MED26: variants seen among roughly 807,000 people sequenced by gnomAD.
The protein encoded by MED26 is mediator of RNA polymerase II transcription subunit 26.
Under a neutral mutation model 43.7 loss-of-function variants are expected in MED26, and 7 were observed. The ratio of observed to expected loss-of-function variants is 0.16; its 90% CI spans 0.09 to 0.30. The LOEUF (loss-of-function observed/expected upper bound fraction) is 0.30, where lower values mean the gene tolerates loss of function less well. MED26 is among the 10% of genes least tolerant of loss of function. The pLI, the probability that MED26 is intolerant of heterozygous loss-of-function variation, is 1.00. For missense variants in MED26, 784 were observed against 840.6 expected, an observed-to-expected ratio of 0.93 and a Z score of 0.83; for synonymous variants, 375 against 371.1, an observed-to-expected ratio of 1.01 and a Z score of -0.12.
At chr19:16,589,765 T>C (rs2086087568) in intron 1 of MED26, among the ~76,000 whole-genome samples, 1 of 152,240 alleles carries the variant, frequency 6.6e-6, no homozygotes, top group African/African-American at 2.4e-5. Context: ...TTCTAGACTA[T>C]ATTTACAAAG....
In MED26 at chr19:16,576,094, C is replaced by T; in HGVS notation, c.1736G>A (p.Cys579Tyr). 3 of 1,613,934 alleles carry T rather than the reference C, an allele frequency of 1.9e-6. No individual in the cohort carries two copies. Among genetic ancestry groups the T allele is most frequent in the Non-Finnish European group, 2.5e-6 (3 of 1,180,038 alleles). ...GTCGCCGTGCGGATCGAGCGATATG[C>T]ACTGCGTCCAGTCATACCAGTTACC... is the stretch of plus-strand genomic sequence containing the variant. Reference protein sequence around the residue: ...TQGNWYDWTQCISLDPHGDDG... With the variant: ...TQGNWYDWTQYISLDPHGDDG... The change falls in exon 3 of 3, where the codon TGC (cysteine) becomes TAC (tyrosine). Residue 579 changes from cysteine (C) to tyrosine (Y), a missense_variant. Physicochemically the swap from Cys to Tyr is radical, Grantham distance 194 (BLOSUM62 -2). Around this residue, in one of 3 missense-constraint regions of MED26, gnomAD observed 719 missense variants for 730.9 expected, o/e 0.98. Coordinates refer to ENST00000263390, the MANE Select transcript of MED26 (RefSeq NM_004831.5). The surrounding 1 kb of genome is among the most constrained non-coding windows in gnomAD (Gnocchi z 6.8).
intron 1 of MED26, among the ~76,000 whole-genome samples, chr19:16,589,561 G>A (rs2086086816): frequency 6.6e-6 from 1 of 151,892 alleles, no homozygotes; most frequent in South Asian, 2.1e-4. Flanking sequence ...AAGGTCAAAA[G>A]CAGGCAAGAC....
intron 1 of MED26, among the ~76,000 whole-genome samples, chr19:16,612,774 G>A (rs1013459579): frequency 2.6e-5 from 4 of 152,182 alleles, no homozygotes; most frequent in Non-Finnish European, 5.9e-5. Flanking sequence ...CCTCTTCCAA[G>A]GAAGAGGCTC....
Position 16,576,796 on chromosome 19 carries a change from G to A in MED26, c.1034C>T (p.Pro345Leu), listed in dbSNP as rs750165663. ...CCCCGCCAGCCGCTGGTGGCTCTCA[G>A]GCTGCTCAAGCCAGCACACTGGGCT... ...AESPVCWLEQ[P>L]ESHQRLAGPG... The change falls in exon 3 of 3, where the codon CCT becomes CTT. Residue 345 changes from proline (P) to leucine (L), a missense_variant. Pro to Leu is a moderately conservative substitution (Grantham distance 98). Around this residue, in one of 3 missense-constraint regions of MED26, gnomAD observed 719 missense variants for 730.9 expected, o/e 0.98. Coordinates refer to ENST00000263390, the MANE Select transcript of MED26 (RefSeq NM_004831.5). The surrounding 1 kb of genome is among the most constrained non-coding windows in gnomAD (Gnocchi z 6.8). 2 of 1,608,210 alleles carry A rather than the reference G, an allele frequency of 1.2e-6. No homozygotes were observed. The highest frequency in any genetic ancestry group is 1.7e-6 in the Non-Finnish European group (2 of 1,178,822).
intron 1 of MED26, among the ~76,000 whole-genome samples, chr19:16,609,818 T>C (rs2086191402): frequency 1.3e-5 from 2 of 151,840 alleles, no homozygotes; most frequent in Non-Finnish European, 2.9e-5. Flanking sequence ...CTTCCAAGTT[T>C]TATCACCTTC....
chr19:16,624,948 C>G (rs998935985), intron 1 of MED26, among the ~76,000 whole-genome samples: 5 of 152,208 alleles, frequency 3.3e-5, no homozygotes, highest in Non-Finnish European at 7.3e-5. Context: ...CATACCTCCA[C>G]AGAACGAGTG....
At chr19:16,624,578 A>G (rs2086265543) in intron 1 of MED26, 2 of 152,254 alleles carry the variant, frequency 1.3e-5, no homozygotes, top group South Asian at 4.1e-4. Context: ...GATGCAGTAC[A>G]CCGTCTACTA....
chr19:16,597,169 A>G (rs2086124126), intron 1 of MED26, among the ~76,000 whole-genome samples: 1 of 152,200 alleles, frequency 6.6e-6, no homozygotes. Context: ...ACACGGGTAC[A>G]GTACAAAAGC....
intron 1 of MED26, among the ~76,000 whole-genome samples, chr19:16,583,918 C>T (rs1057082696): frequency 2.0e-5 from 3 of 152,158 alleles, no homozygotes; most frequent in African/African-American, 7.2e-5. Context: ...AGTTTGCATC[C>T]AGGCAGAGGG....
intron 1 of MED26, among the ~76,000 whole-genome samples, chr19:16,607,784 C>T (rs1390065043): frequency 6.6e-6 from 1 of 152,160 alleles, no homozygotes; most frequent in Non-Finnish European, 1.5e-5. Context: ...TATGTGCAGC[C>T]CAAGACAATC....
intron 1 of MED26, among the ~76,000 whole-genome samples, chr19:16,606,630 G>C (rs1419371899): frequency 6.6e-6 from 1 of 152,174 alleles, no homozygotes; most frequent in African/African-American, 2.4e-5. Context: ...GGAGGGGAGC[G>C]GGGGATAAGC....
In MED26 at chr19:16,605,741, G is replaced by A. The variant is rs193154834; in HGVS notation, c.72+22131C>T. Among the ~76,000 whole-genome samples the A allele has an allele frequency of 2.1e-3, 323 of 152,334 alleles. 1 individual carries two copies. The highest frequency in any genetic ancestry group is 3.5e-3 in the Non-Finnish European group (241 of 68,022). On this transcript the variant is annotated intron_variant, in intron 1 of 2. Transcript: ENST00000263390. ...CATAGGGGAACAAGGAGGCAGGCGG[G>A]AGATGCTGGGCAAGGAGGGGACTGA...
chr19:16,578,001 G>A, intron 2 of MED26: 1 of 478,484 alleles, frequency 2.1e-6, no homozygotes, highest in Non-Finnish European at 3.7e-6. Flanking sequence ...GGGTGAGAGG[G>A]TGCTGTGGCC....
At position 16,577,412 on chromosome 19, in the gene MED26, G is replaced by A. The variant is rs764742324; in HGVS notation, c.418C>T (p.Arg140Trp). 1.6e-5 allele frequency: 26 copies of A among 1,602,110 alleles called. No individual in the cohort carries two copies. Among genetic ancestry groups the A allele is most frequent in the Non-Finnish European group, 2.2e-5 (26 of 1,173,246 alleles). Residue 140 changes from arginine to tryptophan, a missense_variant, in exon 3 of 3, where the codon CGG becomes TGG. Physicochemically the swap from Arg to Trp is moderately radical, Grantham distance 101 (BLOSUM62 -3). Transcript: ENST00000263390. This position sits in a 1 kb window ranked among gnomAD's most constrained non-coding sequence, Gnocchi z 8.1. Reference sequence around the variant, plus strand: ...TTGCGGCTGCCCAGCCTGTCCAGCCGCTGCCCGGGCAGCCTCTGGAGGTCA... The same window carrying A: ...TTGCGGCTGCCCAGCCTGTCCAGCCACTGCCCGGGCAGCCTCTGGAGGTCA... ...RNDLQRLPGQRLDRLGSRKRR... is the reference protein window; with the variant it reads ...RNDLQRLPGQWLDRLGSRKRR...
intron 1 of MED26, among the ~76,000 whole-genome samples, chr19:16,604,527 G>A (rs554025404): frequency 6.6e-6 from 1 of 152,328 alleles, no homozygotes; most frequent in South Asian, 2.1e-4. Flanking sequence ...GGCCATGCCT[G>A]GATGTGCAGG....
At chr19:16,584,277 A>C (rs1458565489) in intron 1 of MED26, among the ~76,000 whole-genome samples, 19 of 149,738 alleles carry the variant, frequency 1.3e-4, no homozygotes, top group Admixed American at 4.7e-4. Flanking sequence ...GAAAAAAAAA[A>C]CCGAAACCCA....
At chr19:16,627,686 G>T (rs2086287285) in intron 1 of MED26, among the ~76,000 whole-genome samples, 186 bp downstream of exon 1, 1 of 152,238 alleles carries the variant, frequency 6.6e-6, no homozygotes, top group South Asian at 2.1e-4. Flanking sequence ...CGTACCGAGC[G>T]CTGCCGGGCT....
chr19:16,625,098 G>T (rs1369463017), intron 1 of MED26, among the ~76,000 whole-genome samples: 1 of 152,212 alleles, frequency 6.6e-6, no homozygotes, highest in East Asian at 1.9e-4. Flanking sequence ...CTGCGCTTCG[G>T]AGAGATTTTC....
rs1030822638 is a variant in MED26, at chr19:16,575,051, T to A, written c.*976A>T. 6 of 152,594 alleles carry A rather than the reference T, an allele frequency of 3.9e-5. No homozygotes were observed. Among genetic ancestry groups the A allele is most frequent in the Admixed American group, 3.3e-4 (5 of 15,264 alleles). 9.5% of individuals were successfully genotyped at this position (152,594 alleles called of 1,614,324 possible). ...GTACTGTACATTCACTAAGGCTCCT[T>A]GTTTTTGCAAATCGCGTTTATGACA... On this transcript the variant is annotated 3_prime_UTR_variant, in exon 3 of 3. Coordinates refer to ENST00000263390, the MANE Select transcript of MED26 (RefSeq NM_004831.5).
Sources: allele counts gnomAD v4.1 joint callset (sites outside exome capture counted in the v4.1 genomes callset), GRCh38; gene constraint gnomAD v4.1.1; regional missense constraint gnomAD v4.1.1; non-coding constraint Gnocchi (gnomAD v3.1); transcripts MANE v1.5; gene names NCBI Gene and HGNC (gene_info 2026-07-23, HGNC 2026-07-21).